NBAS: variants seen among roughly 807,000 people sequenced by gnomAD.
The protein encoded by NBAS is NAG/BC035112 fusion.
In NBAS, 219 loss-of-function variants were observed where a neutral mutation model predicts 302.5. The ratio of observed to expected loss-of-function variants is 0.72; its 90% CI spans 0.65 to 0.81. The LOEUF is 0.81. Ranked by LOEUF, NBAS falls within the 30% of genes least tolerant of loss-of-function variation. The pLI is 0.00. For missense variants in NBAS, 2,932 were observed against 2,841.6 expected (o/e 1.03, Z -0.72); for synonymous variants, 1,118 against 1,021.6 (o/e 1.09, Z -1.80).
chr2:15,357,956 T>C (rs908786854), intron 32 of NBAS, among the ~76,000 whole-genome samples: 2 of 152,180 alleles, frequency 1.3e-5, no homozygotes, highest in Non-Finnish European at 2.9e-5. Context: ...CTCATGATGT[T>C]TGACCATGCC....
chr2:15,281,611 C>A (rs927555058), intron 42 of NBAS, among the ~76,000 whole-genome samples: 1 of 152,098 alleles, frequency 6.6e-6, no homozygotes, highest in Non-Finnish European at 1.5e-5. Context: ...AGCAGTTCTG[C>A]AAAATGGGCT....
At chr2:15,498,626 A>G (rs1323457167) in intron 11 of NBAS, among the ~76,000 whole-genome samples, 1 of 152,108 alleles carries the variant, frequency 6.6e-6, no homozygotes, top group East Asian at 1.9e-4. Context: ...TCCCATGTCA[A>G]ATTGGAGGGG....
chr2:15,307,109 G>C (rs1217151155), intron 40 of NBAS, among the ~76,000 whole-genome samples: 1 of 152,170 alleles, frequency 6.6e-6, no homozygotes, highest in Non-Finnish European at 1.5e-5. Context: ...GGGATCTAAA[G>C]GGGACAGTCC....
chr2:15,033,565 T>C, the NBAS span, among the ~76,000 whole-genome samples: 2 of 152,150 alleles, frequency 1.3e-5, no homozygotes, highest in Admixed American at 6.5e-5. Flanking sequence ...AAAATGCATA[T>C]GTTGAACTCT....
At chr2:15,171,373 T>C (rs1305544898) in intron 51 of NBAS, among the ~76,000 whole-genome samples, 3 of 152,340 alleles carry the variant, frequency 2.0e-5, no homozygotes, top group Non-Finnish European at 2.9e-5. Context: ...TAGATTTTTT[T>C]CCCACAATTA....
At chr2:14,801,430 A>G in the NBAS span, among the ~76,000 whole-genome samples, 19 of 152,230 alleles carry the variant, frequency 1.2e-4, no homozygotes, top group Admixed American at 8.5e-4. Context: ...GCAATGATTA[A>G]TTTACTATTA....
At chr2:15,131,611 T>A in the NBAS span, among the ~76,000 whole-genome samples, 1 of 152,206 alleles carries the variant, frequency 6.6e-6, no homozygotes, top group Non-Finnish European at 1.5e-5. Context: ...TTATTATTAT[T>A]ATACTTTAAG....
At chr2:15,024,830 G>A in the NBAS span, among the ~76,000 whole-genome samples, 12 of 152,030 alleles carry the variant, frequency 7.9e-5, no homozygotes, top group African/African-American at 2.7e-4. Flanking sequence ...TTGCTTGAAT[G>A]TTCATTTAAG....
At chr2:15,170,436 C>T (rs188835346) in intron 51 of NBAS, among the ~76,000 whole-genome samples, 16 of 152,324 alleles carry the variant, frequency 1.1e-4, no homozygotes, top group African/African-American at 3.6e-4. Flanking sequence ...GAAATGCATG[C>T]TTCCTTCCCC....
At chr2:15,539,137 T>C in intron 7 of NBAS, 86 bp downstream of exon 7, 6 of 1,541,954 alleles carry the variant, frequency 3.9e-6, no homozygotes, top group Non-Finnish European at 5.4e-6. Context: ...ATTTGTATTA[T>C]CCCCCCCTTC....
At chr2:14,954,910 C>T in the NBAS span, among the ~76,000 whole-genome samples, 3 of 152,108 alleles carry the variant, frequency 2.0e-5, no homozygotes, top group African/African-American at 7.2e-5. Context: ...CACTCCTGAC[C>T]CCTTCCAAAT....
At chr2:14,836,136 TG>T in the NBAS span, among the ~76,000 whole-genome samples, 5 of 152,088 alleles carry the variant, frequency 3.3e-5, no homozygotes, top group East Asian at 9.7e-4. Context: ...ATTTTTCCAC[TG>T]GGTGGTCTAT....
chr2:14,980,254 G>A, the NBAS span, among the ~76,000 whole-genome samples: 4 of 152,118 alleles, frequency 2.6e-5, no homozygotes, highest in African/African-American at 9.7e-5. Context: ...GAGCAGCCAG[G>A]CAAAGACCAC....
At chr2:14,892,346 A>G in the NBAS span, among the ~76,000 whole-genome samples, 3 of 152,194 alleles carry the variant, frequency 2.0e-5, no homozygotes, top group Non-Finnish European at 2.9e-5. Flanking sequence ...AAATGTTGCA[A>G]CTTGAGACCA....
the NBAS span, among the ~76,000 whole-genome samples, chr2:14,963,953 C>T: frequency 2.6e-5 from 4 of 152,158 alleles, no homozygotes; most frequent in Admixed American, 6.5e-5. Context: ...CTCAGCAAAG[C>T]GGAATAATTA....
chr2:15,452,144 G>A (rs1002638773), intron 21 of NBAS, among the ~76,000 whole-genome samples: 1 of 152,194 alleles, frequency 6.6e-6, no homozygotes, highest in African/African-American at 2.4e-5. Flanking sequence ...AATAGGTATA[G>A]AGTTTCAGTT....
At chr2:15,152,033 A>T in the NBAS span, among the ~76,000 whole-genome samples, 1 of 151,960 alleles carries the variant, frequency 6.6e-6, no homozygotes, top group African/African-American at 2.4e-5. Flanking sequence ...TTTTTTTAGT[A>T]GAGAGGGGGT....
At chr2:14,874,509 A>G in the NBAS span, among the ~76,000 whole-genome samples, 7 of 150,902 alleles carry the variant, frequency 4.6e-5, no homozygotes, top group African/African-American at 1.2e-4. Flanking sequence ...GCATGGTGGC[A>G]GGCGCCTGTA....
At chr2:14,794,990 T>C in the NBAS span, among the ~76,000 whole-genome samples, 1 of 152,226 alleles carries the variant, frequency 6.6e-6, no homozygotes, top group African/African-American at 2.4e-5. Context: ...AATTTGTTTG[T>C]CCATTCGCCT....
Sources: allele counts gnomAD v4.1 joint callset (sites outside exome capture counted in the v4.1 genomes callset), GRCh38; gene constraint gnomAD v4.1.1; transcripts MANE v1.5; gene names NCBI Gene and HGNC (gene_info 2026-07-23, HGNC 2026-07-21).